Variants in GRID1 observed in about 807,000 individuals in gnomAD.
The protein encoded by GRID1 is glutamate receptor ionotropic, delta-1.
A neutral mutation model predicts 98.0 loss-of-function variants in GRID1; 28 were observed. The ratio of observed to expected loss-of-function variants is 0.29; its 90% CI spans 0.21 to 0.39. The LOEUF (loss-of-function observed/expected upper bound fraction) is 0.39, where lower values mean the gene tolerates loss of function less well. Among genes scored for constraint, GRID1 ranks in the 10% least tolerant of loss-of-function variants. The probability of loss-of-function intolerance (pLI) is 1.00; values close to 1 mark genes in which losing one functional copy is unlikely to be tolerated. For missense variants in GRID1, 1,111 were observed against 1,340.5 expected, an observed-to-expected ratio of 0.83 and a Z score of 2.67; for synonymous variants, 553 against 538.5, an observed-to-expected ratio of 1.03 and a Z score of -0.37.
chr10:85,920,183 G>A (rs1841682845), intron 4 of GRID1, among the ~76,000 whole-genome samples: 1 of 151,646 alleles, frequency 6.6e-6, no homozygotes, highest in African/African-American at 2.4e-5. Context: ...CTTTTTTTAA[G>A]TCCCCATAAT....
At chr10:85,846,672 G>A (rs1056167497) in intron 8 of GRID1, among the ~76,000 whole-genome samples, 2 of 151,850 alleles carry the variant, frequency 1.3e-5, no homozygotes, top group Admixed American at 1.3e-4. Flanking sequence ...AAAAAATAAA[G>A]CAAGACAACA....
intron 3 of GRID1, among the ~76,000 whole-genome samples, chr10:86,166,791 C>T (rs969935484): frequency 2.6e-5 from 4 of 152,330 alleles, no homozygotes; most frequent in Non-Finnish European, 4.4e-5. Context: ...TAAGCTTTTG[C>T]TGGGCAGTCT....
intron 8 of GRID1, among the ~76,000 whole-genome samples, chr10:85,812,054 A>C (rs1842676550): frequency 6.6e-6 from 1 of 152,238 alleles, no homozygotes; most frequent in Non-Finnish European, 1.5e-5. Flanking sequence ...AATTTATAGA[A>C]AGTGCTGAAA....
At chr10:85,891,947 A>G (rs903395327) in intron 5 of GRID1, among the ~76,000 whole-genome samples, 1 of 152,070 alleles carries the variant, frequency 6.6e-6, no homozygotes, top group Non-Finnish European at 1.5e-5. Context: ...CAGATGGTAG[A>G]TGGTAATTAG....
chr10:85,777,519 C>G (rs374215324), intron 8 of GRID1, among the ~76,000 whole-genome samples: 2 of 152,194 alleles, frequency 1.3e-5, no homozygotes, highest in East Asian at 3.8e-4. Context: ...CCAGGTGATT[C>G]TAACATACAG....
intron 12 of GRID1, chr10:85,650,051 G>A (rs555863033): frequency 2.0e-5 from 3 of 152,344 alleles, no homozygotes; most frequent in South Asian, 2.1e-4. Context: ...ACTTATGGAA[G>A]GCTATCTGGG....
At chr10:85,717,198 A>T (rs1841649520) in intron 12 of GRID1, among the ~76,000 whole-genome samples, 1 of 152,220 alleles carries the variant, frequency 6.6e-6, no homozygotes, top group African/African-American at 2.4e-5. Context: ...TTCGTAGTGC[A>T]CATGCAAACG....
chr10:85,795,408 C>T (rs1313469466), intron 8 of GRID1, among the ~76,000 whole-genome samples: 1 of 152,246 alleles, frequency 6.6e-6, no homozygotes, highest in Admixed American at 6.5e-5. Flanking sequence ...CAGAGAGCTT[C>T]ATCTAGTCCT....
chr10:85,712,222 A>G (rs1360103164), intron 12 of GRID1, among the ~76,000 whole-genome samples: 1 of 151,838 alleles, frequency 6.6e-6, no homozygotes, highest in Admixed American at 6.6e-5. Flanking sequence ...GATTAGCATA[A>G]TGATTTAAAA....
At chr10:85,757,123 C>T (rs1238805664) in intron 8 of GRID1, among the ~76,000 whole-genome samples, 9 of 152,240 alleles carry the variant, frequency 5.9e-5, no homozygotes, top group East Asian at 3.9e-4. Flanking sequence ...AAACTTGGGG[C>T]GGCAGGGTTC....
At chr10:85,957,984 T>C (rs990607938) in intron 4 of GRID1, among the ~76,000 whole-genome samples, 4 of 152,066 alleles carry the variant, frequency 2.6e-5, no homozygotes, top group Non-Finnish European at 5.9e-5. Context: ...ATGGAACACG[T>C]GAAACTCCCC....
rs544092033 is a variant in GRID1 at position 86,126,226 on chromosome 10, C to T, written c.726+12593G>A. 3.1e-4 allele frequency among the ~76,000 whole-genome samples: 47 copies of T among 152,264 alleles called. 1 individual carries two copies. The highest frequency in any genetic ancestry group is 2.2e-3 in the Admixed American group (34 of 15,300). ...ATCCCAGCACTTTGGGAGGCCAAGG[C>T]GGGTGGATCATGAGGTCGGCAGTTC... On this transcript the variant is annotated intron_variant, in intron 4 of 15. Transcript: ENST00000327946.
At chr10:85,667,523 G>A (rs1480697931) in intron 12 of GRID1, among the ~76,000 whole-genome samples, 1 of 152,220 alleles carries the variant, frequency 6.6e-6, no homozygotes, top group African/African-American at 2.4e-5. Flanking sequence ...AGTCTACAGA[G>A]GAGGAATCTG....
At chr10:85,990,526 A>T (rs925281042) in intron 4 of GRID1, among the ~76,000 whole-genome samples, 1 of 152,248 alleles carries the variant, frequency 6.6e-6, no homozygotes, top group African/African-American at 2.4e-5. Context: ...GAGAGACGAC[A>T]GCCTTTCAAC....
intron 3 of GRID1, among the ~76,000 whole-genome samples, chr10:86,179,672 C>A (rs556457395): frequency 6.6e-6 from 1 of 152,312 alleles, no homozygotes; most frequent in South Asian, 2.1e-4. Context: ...AACATCTGTA[C>A]GAACCTCAGG....
intron 4 of GRID1, among the ~76,000 whole-genome samples, chr10:86,032,856 T>G: frequency 6.9e-6 from 1 of 144,828 alleles, no homozygotes; most frequent in South Asian, 2.2e-4. Context: ...AAAGAGTACC[T>G]CCTTGATACC....
At chr10:86,052,185 A>C (rs1336580088) in intron 4 of GRID1, among the ~76,000 whole-genome samples, 1 of 152,244 alleles carries the variant, frequency 6.6e-6, no homozygotes, top group East Asian at 1.9e-4. Flanking sequence ...AATGTGAAGA[A>C]AAAGTATACA....
chr10:86,222,911 C>T (rs924834668), intron 2 of GRID1, among the ~76,000 whole-genome samples: 15 of 152,144 alleles, frequency 9.9e-5, no homozygotes, highest in South Asian at 2.1e-4. Flanking sequence ...AAAACAGCAC[C>T]GTCACCCCCT....
intron 4 of GRID1, among the ~76,000 whole-genome samples, chr10:86,096,391 C>A (rs558554694): frequency 7.9e-5 from 12 of 152,164 alleles, no homozygotes; most frequent in Non-Finnish European, 1.8e-4. Context: ...ACAGACTGTT[C>A]CAGCCCCACA....
Sources: allele counts gnomAD v4.1 joint callset (sites outside exome capture counted in the v4.1 genomes callset), GRCh38; gene constraint gnomAD v4.1.1; transcripts MANE v1.5; gene names NCBI Gene and HGNC (gene_info 2026-07-23, HGNC 2026-07-21).